The following VSTM2B variants were observed in gnomAD, a reference collection of about 807,000 sequenced individuals.
The protein encoded by VSTM2B is V-set and transmembrane domain containing 2B, also known as V-set and transmembrane domain-containing protein 2B.
Under a neutral mutation model 24.0 loss-of-function variants are expected in VSTM2B, and 24 were observed. That is an observed-to-expected ratio of 1.00 (90% CI 0.72 to 1.40). The LOEUF is 1.40. Among genes scored for constraint, VSTM2B ranks in the 40% most tolerant of loss-of-function variants. The pLI, the probability that VSTM2B is intolerant of heterozygous loss-of-function variation, is 0.00. For missense variants in VSTM2B, 399 were observed against 416.4 expected (o/e 0.96, Z 0.36); for synonymous variants, 226 against 194.4 (o/e 1.16, Z -1.35).
intron 4 of VSTM2B, among the ~76,000 whole-genome samples, chr19:29,554,683 C>T (rs10425946): frequency 0.081 from 12,332 of 152,150 alleles, 1,071 homozygotes; most frequent in African/African-American, 0.22. Flanking sequence ...CACTTACATG[C>T]GAAGACACAC....
intron 2 of VSTM2B, 145 bp from the exon 3 acceptor site, chr19:29,528,288 G>T: frequency 2.1e-6 from 2 of 972,316 alleles, no homozygotes; most frequent in Non-Finnish European, 3.1e-6. Flanking sequence ...AAAGCCGGAC[G>T]TCCTTTGTGC....
At chr19:29,554,910 TA>T (rs1352648336) in intron 4 of VSTM2B, among the ~76,000 whole-genome samples, 1 of 152,198 alleles carries the variant, frequency 6.6e-6, no homozygotes, top group Non-Finnish European at 1.5e-5. Flanking sequence ...CCCAGATTCA[TA>T]AAACAAGTTC....
rs552900227 is a variant in VSTM2B at position 29,544,200 on chromosome 19, C to G, written c.769+13910C>G. 3.2e-3 allele frequency among the ~76,000 whole-genome samples: 479 copies of G among 151,392 alleles called. 3 individuals carry two copies. The highest frequency in any genetic ancestry group is 4.2e-3 in the Non-Finnish European group (282 of 67,910). On this transcript the variant is annotated intron_variant, in intron 4 of 4. Coordinates refer to ENST00000335523, the MANE Select transcript of VSTM2B (RefSeq NM_001146339.2). ...ACAAATAGTTTTCATATATATGCTG[C>G]CTTCTAAGGGAAGAATTTGAAGTGG...
chr19:29,557,185 C>A (rs541561382), intron 4 of VSTM2B, among the ~76,000 whole-genome samples: 1 of 152,298 alleles, frequency 6.6e-6, no homozygotes, highest in South Asian at 2.1e-4. Flanking sequence ...GATACAAAAA[C>A]AGCCACATAG....
chr19:29,530,437 C>A (rs887647661), intron 4 of VSTM2B, 147 bp downstream of exon 4: 1 of 665,294 alleles, frequency 1.5e-6, no homozygotes, highest in Non-Finnish European at 2.3e-6. Context: ...TCGGGAGCGC[C>A]CCCCCCAGGG....
chr19:29,537,247 G>A (rs893186839), intron 4 of VSTM2B, among the ~76,000 whole-genome samples: 1 of 152,156 alleles, frequency 6.6e-6, no homozygotes, highest in Non-Finnish European at 1.5e-5. Flanking sequence ...TAGCCTGCTT[G>A]TCAGTGGCTT....
At chr19:29,557,846 A>T (rs771158142) in intron 4 of VSTM2B, among the ~76,000 whole-genome samples, 5 of 152,238 alleles carry the variant, frequency 3.3e-5, no homozygotes, top group Non-Finnish European at 7.3e-5. Flanking sequence ...AAAAATTGAC[A>T]AATGGGATCT....
intron 4 of VSTM2B, among the ~76,000 whole-genome samples, chr19:29,555,366 A>C (rs1970382129): frequency 6.6e-6 from 1 of 152,334 alleles, no homozygotes; most frequent in African/African-American, 2.4e-5. Flanking sequence ...CAGTGAGAAC[A>C]GGGACAATGT....
chr19:29,563,988 C>T lies in VSTM2B; in HGVS notation c.*54C>T. On this transcript the variant is annotated 3_prime_UTR_variant, in exon 5 of 5. Transcript: ENST00000335523. ...GGCCGCACATGACCTGCCCGGGGCC[C>T]TCGGTGAGGACCATGTCGCTGGATG... The T allele has an allele frequency of 7.0e-7, 1 of 1,433,768 alleles. No individual in the cohort carries two copies. The highest frequency in any genetic ancestry group is 1.2e-5 in the South Asian group (1 of 81,712). The allele number at this position is 1,433,768 out of a possible 1,614,324, so 88.8% of individuals were successfully genotyped here. A position where few individuals can be genotyped will look rare whatever the true frequency, so the allele number is the denominator to read the frequency against.
At chr19:29,557,241 T>A (rs1181883609) in intron 4 of VSTM2B, among the ~76,000 whole-genome samples, 1 of 152,122 alleles carries the variant, frequency 6.6e-6, no homozygotes, top group Non-Finnish European at 1.5e-5. Context: ...AAGACGCACA[T>A]CTGCAACCAT....
chr19:29,563,586 G>C (rs376636678), intron 4 of VSTM2B, among the ~76,000 whole-genome samples: 2 of 152,112 alleles, frequency 1.3e-5, no homozygotes, highest in East Asian at 1.9e-4. Flanking sequence ...TTGGACATTA[G>C]AGCTGTCACT....
chr19:29,549,164 ACT>A (rs977735717), intron 4 of VSTM2B, among the ~76,000 whole-genome samples: 2 of 152,102 alleles, frequency 1.3e-5, no homozygotes. Flanking sequence ...AATTTGTAAG[ACT>A]CTGTGTGCAC....
At chr19:29,537,733 T>TCTCCCGCACCCACCTACC (rs1969924839) in intron 4 of VSTM2B, among the ~76,000 whole-genome samples, 1 of 123,408 alleles carries the variant, frequency 8.1e-6, no homozygotes, top group Non-Finnish European at 1.7e-5. Context: ...ACCCACCTAC[T>TCTCCCGCACCCACCTACC]CTCCCGCACC....
chr19:29,546,553 G>T (rs150027833), intron 4 of VSTM2B, among the ~76,000 whole-genome samples: 12 of 152,364 alleles, frequency 7.9e-5, no homozygotes, highest in African/African-American at 2.4e-4. Context: ...ACTGAGAATT[G>T]TGTGCCTTTT....
At chr19:29,528,690 C>A (rs1229101165) in intron 3 of VSTM2B, among the ~76,000 whole-genome samples, 2 of 152,246 alleles carry the variant, frequency 1.3e-5, no homozygotes, top group East Asian at 3.9e-4. Context: ...GCTTGAGTCC[C>A]CTAATTCGGC....
chr19:29,535,511 C>A (rs530095050), intron 4 of VSTM2B, among the ~76,000 whole-genome samples: 2 of 152,006 alleles, frequency 1.3e-5, no homozygotes, highest in Admixed American at 6.6e-5. Flanking sequence ...GGTGCCCACA[C>A]GGAGAACTGG....
At chr19:29,530,898 T>A (rs1036238122) in intron 4 of VSTM2B, among the ~76,000 whole-genome samples, 1 of 147,388 alleles carries the variant, frequency 6.8e-6, no homozygotes. Context: ...GGCTTTGGGG[T>A]GGGGGCAGTA....
chr19:29,527,007 C>A, intron 1 of VSTM2B: 1 of 528,662 alleles, frequency 1.9e-6, no homozygotes, highest in Non-Finnish European at 3.3e-6. Flanking sequence ...CGGAGGGAAG[C>A]AGTAGGCAGC....
rs540758360 is a variant in VSTM2B, at chr19:29,536,227, G to A, written c.769+5937G>A. 2.5e-3 allele frequency among the ~76,000 whole-genome samples: 382 copies of A among 152,328 alleles called. 1 individual carries two copies. Among genetic ancestry groups the A allele is most frequent in the African/African-American group, 8.9e-3 (372 of 41,568 alleles). On this transcript the variant is annotated intron_variant, in intron 4 of 4. Coordinates refer to ENST00000335523, the MANE Select transcript of VSTM2B (RefSeq NM_001146339.2). ...TGGACCCAAACTTAAAGGAGCCAGG[G>A]CACCCAGGTAATTCCAGGACAAAGC... is the stretch of plus-strand genomic sequence containing the variant.
Sources: gnomAD v4.1 joint callset for allele counts (sites outside exome capture counted in the v4.1 genomes callset) on GRCh38, gnomAD v4.1.1 for gene constraint, MANE v1.5 for transcripts, NCBI Gene and HGNC (gene_info 2026-07-23, HGNC 2026-07-21) for gene names.